The following CROCC2 variants were observed in gnomAD, a reference collection of about 807,000 sequenced individuals.
CROCC2 encodes ciliary rootlet coiled-coil, rootletin family member 2.
Under a neutral mutation model 177.6 loss-of-function variants are expected in CROCC2, and 163 were observed. The observed-to-expected ratio is 0.92, with a 90% confidence interval of 0.81 to 1.05. The LOEUF is 1.05. Ranked by LOEUF, CROCC2 falls within the 50% of genes least tolerant of loss-of-function variation. CROCC2 has a pLI of 0.00. For missense variants in CROCC2, 1,929 were observed against 1,797.8 expected (o/e 1.07, Z -1.32); for synonymous variants, 904 against 787.3 (o/e 1.15, Z -2.48).
intron 18 of CROCC2, 118 bp downstream of exon 18, chr2:240,950,628 C>A: frequency 1.2e-6 from 1 of 829,280 alleles, no homozygotes; most frequent in Non-Finnish European, 1.8e-6. Flanking sequence ...CCTACCCACC[C>A]ATCCATCCAT....
chr2:240,938,460 A>G (rs1372968416), intron 14 of CROCC2, among the ~76,000 whole-genome samples: 1 of 152,236 alleles, frequency 6.6e-6, no homozygotes, highest in Non-Finnish European at 1.5e-5. Context: ...CTTGATTATG[A>G]TAGCTTTTTA....
intron 28 of CROCC2, chr2:240,983,651 G>A (rs1460528085): frequency 7.8e-7 from 1 of 1,275,750 alleles, no homozygotes; most frequent in Non-Finnish European, 1.0e-6. Flanking sequence ...GCGGCTGGGA[G>A]AGGCGCTGGC....
intron 2 of CROCC2, among the ~76,000 whole-genome samples, chr2:240,919,398 G>A (rs2059343738): frequency 6.6e-6 from 1 of 152,142 alleles, no homozygotes; most frequent in South Asian, 2.1e-4. Flanking sequence ...CCACCCCCCT[G>A]GGCTCTGCCT....
chr2:240,929,537 C>G, intron 5 of CROCC2: 1 of 392,590 alleles, frequency 2.5e-6, no homozygotes, highest in South Asian at 1.8e-5. Context: ...CCACTCCGCT[C>G]CGTTACAGCC....
Position 240,949,735 on chromosome 2 carries a change from T to C in CROCC2, c.2652+33T>C. ...TCCCAGGAGCCCACCAGTAGCTTCCTAGAAGGCTACCAGGTCCCGGGGAAT... is the reference window on the plus strand; with the variant it reads ...TCCCAGGAGCCCACCAGTAGCTTCCCAGAAGGCTACCAGGTCCCGGGGAAT... On this transcript the variant is annotated intron_variant, in intron 17 of 31. Transcript: ENST00000690015. The surrounding 1 kb of genome is among the most constrained non-coding windows in gnomAD (Gnocchi z 4.5). The C allele has an allele frequency of 6.6e-7, 1 of 1,515,688 alleles. No homozygotes were observed. Among genetic ancestry groups the C allele is most frequent in the Non-Finnish European group, 8.9e-7 (1 of 1,125,538 alleles). 93.9% of individuals were successfully genotyped at this position (1,515,688 alleles called of 1,614,324 possible).
At chr2:240,910,901 C>T (rs916690830) in intron 1 of CROCC2, among the ~76,000 whole-genome samples, 2 of 152,066 alleles carry the variant, frequency 1.3e-5, no homozygotes, top group African/African-American at 4.8e-5. Context: ...GAGGCTAAGG[C>T]GGGCGGATCG....
At chr2:240,975,948 C>T (rs1405611323) in intron 27 of CROCC2, among the ~76,000 whole-genome samples, 4 of 152,124 alleles carry the variant, frequency 2.6e-5, no homozygotes, top group African/African-American at 9.7e-5. Flanking sequence ...CCAGGCTGGT[C>T]TCGAACTCCT....
rs1157199697 is a variant in CROCC2 at position 240,932,312 on chromosome 2, T to A, written c.948-6T>A. 4 of 714,340 alleles carry A rather than the reference T, an allele frequency of 5.6e-6. No individual in the cohort carries two copies. Among genetic ancestry groups the A allele is most frequent in the Non-Finnish European group, 1.0e-5 (4 of 383,022 alleles). The allele number at this position is 714,340 out of a possible 1,614,324, so 44.3% of individuals were successfully genotyped here. A position where few individuals can be genotyped will look rare whatever the true frequency, so the allele number is the denominator to read the frequency against. On this transcript the variant is annotated splice_polypyrimidine_tract_variant and splice_region_variant and intron_variant, in intron 7 of 31. Coordinates refer to ENST00000690015, the MANE Select transcript of CROCC2 (RefSeq NM_001351305.2). Reference sequence around the variant, plus strand: ...CTTCACCCCCACACCCCCCGACTCCTCCCAGACTCTCGGAGCAAACCCTGC... The same window carrying A: ...CTTCACCCCCACACCCCCCGACTCCACCCAGACTCTCGGAGCAAACCCTGC...
chr2:240,938,091 G>A (rs2059480040), intron 14 of CROCC2, among the ~76,000 whole-genome samples: 1 of 152,200 alleles, frequency 6.6e-6, no homozygotes, highest in African/African-American at 2.4e-5. Flanking sequence ...TTACAGCAGG[G>A]TGAGAACAGA....
chr2:240,932,381 C>T lies in CROCC2; in HGVS notation c.1011C>T (p.Thr337=). The T allele has an allele frequency of 1.4e-6, 1 of 717,508 alleles. No individual in the cohort carries two copies. Among genetic ancestry groups the T allele is most frequent in the Non-Finnish European group, 2.6e-6 (1 of 385,070 alleles). 44.4% of individuals were successfully genotyped at this position (717,508 alleles called of 1,614,324 possible). The change falls in exon 8 of 32, where the codon ACC becomes ACT. Residue 337 remains threonine (T), a synonymous_variant. Coordinates refer to ENST00000690015, the MANE Select transcript of CROCC2 (RefSeq NM_001351305.2). ...AGCAGAATGAGCAGAAGGCGAAGACCATCGCTGCCCTCAGAACCGACCTGC... is the reference window on the plus strand; with the variant it reads ...AGCAGAATGAGCAGAAGGCGAAGACTATCGCTGCCCTCAGAACCGACCTGC... ...LTEQNEQKAK[T]IAALRTDLQN... is the part of the protein sequence containing the mutation.
intron 1 of CROCC2, among the ~76,000 whole-genome samples, chr2:240,912,419 T>C (rs942126163): frequency 2.0e-5 from 3 of 152,246 alleles, no homozygotes; most frequent in African/African-American, 7.2e-5. Flanking sequence ...AACTCCCTGC[T>C]CAACTTGATA....
At chr2:240,921,999 T>G (rs2059359745) in intron 3 of CROCC2, among the ~76,000 whole-genome samples, 1 of 152,208 alleles carries the variant, frequency 6.6e-6, no homozygotes, top group Non-Finnish European at 1.5e-5. Flanking sequence ...GGTGAGGTGC[T>G]GGACTCAGGC....
chr2:240,949,667 C>A lies in CROCC2; in HGVS notation c.2617C>A (p.His873Asn). ...QRALESQALA[H>N]REALAQLQRE... is the part of the protein sequence containing the mutation. ...GGCCCTGGAGAGCCAGGCGTTGGCC[C>A]ACCGAGAGGCCCTGGCACAGCTCCA... The change falls in exon 17 of 32, where the codon CAC becomes AAC. Residue 873 changes from histidine (H) to asparagine (N), a missense_variant. Physicochemically the swap from His to Asn is moderately conservative, Grantham distance 68 (BLOSUM62 1). Transcript: ENST00000690015. This position sits in a 1 kb window ranked among gnomAD's most constrained non-coding sequence, Gnocchi z 4.5. 4 of 1,549,276 alleles carry A rather than the reference C, an allele frequency of 2.6e-6. No homozygotes were observed. The highest frequency in any genetic ancestry group is 1.2e-5 in the South Asian group (1 of 83,952).
intron 26 of CROCC2, among the ~76,000 whole-genome samples, chr2:240,967,903 C>T (rs2059694230): frequency 6.6e-6 from 1 of 152,008 alleles, no homozygotes; most frequent in African/African-American, 2.4e-5. Context: ...CTGCCTCACA[C>T]TCACGAGTTT....
chr2:240,989,702 C>T lies in CROCC2; in HGVS notation c.4732C>T (p.Leu1578=). Residue 1578 remains leucine, a synonymous_variant, in exon 30 of 32, where the codon CTG becomes TTG. Transcript: ENST00000690015. ...EQAHTQRLQD[L]TAQHQRDLAT... Reference sequence around the variant, plus strand: ...GGCCCACACCCAGCGGCTCCAGGACCTGACAGCTCAGCACCAGCGGGACCT... The same window carrying T: ...GGCCCACACCCAGCGGCTCCAGGACTTGACAGCTCAGCACCAGCGGGACCT... 1 of 1,550,226 alleles carries T rather than the reference C, an allele frequency of 6.5e-7. No homozygotes were observed. The highest frequency in any genetic ancestry group is 8.7e-7 in the Non-Finnish European group (1 of 1,146,720).
At chr2:240,971,642 C>T (rs890362689) in intron 27 of CROCC2, among the ~76,000 whole-genome samples, 1 of 152,246 alleles carries the variant, frequency 6.6e-6, no homozygotes, top group East Asian at 1.9e-4. Context: ...TTTACCTACC[C>T]CGGCAAACCC....
At chr2:240,957,845 A>G (rs2059603162) in intron 19 of CROCC2, 1 of 395,256 alleles carries the variant, frequency 2.5e-6, no homozygotes. Context: ...GCCTGTGACC[A>G]TGCCCCTCCC....
chr2:240,924,940 TG>T (rs1163218220), intron 4 of CROCC2, among the ~76,000 whole-genome samples: 1 of 8,452 alleles, frequency 1.2e-4, no homozygotes, highest in Non-Finnish European at 2.2e-4. Context: ...CCCCCCACAC[TG>T]ACCCAGCCCC....
chr2:240,973,513 C>A lies in CROCC2; in HGVS notation c.4401+5251C>A, dbSNP rs866491178. Among the ~76,000 whole-genome samples the A allele has an allele frequency of 1.1e-4, 17 of 152,198 alleles. No homozygotes were observed. Among genetic ancestry groups the A allele is most frequent in the African/African-American group, 4.1e-4 (17 of 41,440 alleles). ...CGGCGTTCTTGGACTCTTGCCCAGG[C>A]CTCCTTCCCCCACTGTGCCCACGTG... On this transcript the variant is annotated intron_variant, in intron 27 of 31. Coordinates refer to ENST00000690015, the MANE Select transcript of CROCC2 (RefSeq NM_001351305.2). This position sits in a 1 kb window ranked among gnomAD's most constrained non-coding sequence, Gnocchi z 4.7.
Sources: gnomAD v4.1 joint callset for allele counts (sites outside exome capture counted in the v4.1 genomes callset) on GRCh38, gnomAD v4.1.1 for gene constraint, Gnocchi (gnomAD v3.1) non-coding constraint, MANE v1.5 for transcripts, NCBI Gene and HGNC (gene_info 2026-07-23, HGNC 2026-07-21) for gene names.